Variants in ANKRD12 observed in about 807,000 individuals in gnomAD.
ANKRD12 encodes ankyrin repeat domain-containing protein 12.
ANKRD12 carries 85 observed loss-of-function variants against 183.4 expected under a neutral mutation model. That is an observed-to-expected ratio of 0.46 (90% CI 0.39 to 0.56). ANKRD12 has a LOEUF of 0.56. ANKRD12 is among the 20% of genes least tolerant of loss of function. ANKRD12 has a pLI of 0.00. For missense variants in ANKRD12, 2,405 were observed against 2,357.1 expected (o/e 1.02, Z -0.42); for synonymous variants, 914 against 800.2 (o/e 1.14, Z -2.40).
intron 10 of ANKRD12, among the ~76,000 whole-genome samples, chr18:9,264,900 C>T (rs113412686): frequency 1.3e-3 from 203 of 152,362 alleles, no homozygotes; most frequent in African/African-American, 4.7e-3. Flanking sequence ...CTCCAGTCTA[C>T]AGCTGCCAGC....
chr18:9,238,911 C>A (rs902919160), intron 8 of ANKRD12, among the ~76,000 whole-genome samples: 2 of 152,140 alleles, frequency 1.3e-5, no homozygotes, highest in African/African-American at 4.8e-5. Flanking sequence ...CACCTGAGTC[C>A]AGGAGTTCAA....
At chr18:9,277,083 C>T (rs994413696) in intron 11 of ANKRD12, among the ~76,000 whole-genome samples, 3 of 152,280 alleles carry the variant, frequency 2.0e-5, no homozygotes, top group Admixed American at 6.5e-5. Context: ...TGATTTCTAG[C>T]TCAGAATGGT....
chr18:9,184,392 A>T (rs1347640328), intron 2 of ANKRD12, among the ~76,000 whole-genome samples: 2 of 150,424 alleles, frequency 1.3e-5, no homozygotes, highest in Non-Finnish European at 3.0e-5. Context: ...TGATATGGCC[A>T]TTTTTTTTTC....
At position 9,256,897 on chromosome 18, in the gene ANKRD12, T is replaced by A. The variant is rs2038664999; in HGVS notation, c.3630T>A (p.Ala1210=). ...SSRSVSMISV[A]SSEDSCHTTV... ...GATCTGTATCCATGATTTCTGTTGCTAGTTCAGAAGATTCCTGCCATACTA... is the reference window on the plus strand; with the variant it reads ...GATCTGTATCCATGATTTCTGTTGCAAGTTCAGAAGATTCCTGCCATACTA... Residue 1210 remains alanine, a synonymous_variant, in exon 9 of 13, where the codon GCT becomes GCA. Coordinates refer to ENST00000262126, the MANE Select transcript of ANKRD12 (RefSeq NM_015208.5). The A allele has an allele frequency of 6.2e-7, 1 of 1,614,044 alleles. No homozygotes were observed. Among genetic ancestry groups the A allele is most frequent in the Non-Finnish European group, 8.5e-7 (1 of 1,179,970 alleles).
intron 11 of ANKRD12, among the ~76,000 whole-genome samples, chr18:9,278,751 T>G (rs1160335493): frequency 1.3e-5 from 2 of 151,434 alleles, no homozygotes; most frequent in Non-Finnish European, 2.9e-5. Flanking sequence ...GAGTCAAGAT[T>G]CCAGCCTGGG....
In ANKRD12 at chr18:9,221,804, A is replaced by T. The variant is rs761649294; in HGVS notation, c.796-48A>T. ...TATTATCAAGAGAATGGGTGCAGTG[A>T]TAACAATCTGTGAAGGGACTAAGTC... On this transcript the variant is annotated intron_variant, in intron 7 of 12. Coordinates refer to ENST00000262126, the MANE Select transcript of ANKRD12 (RefSeq NM_015208.5). The T allele has an allele frequency of 3.8e-6, 6 of 1,598,600 alleles. No homozygotes were observed. The Admixed American group carries it at 1.0e-4, about 27-fold the overall frequency.
chr18:9,202,763 T>G (rs1007861695), intron 3 of ANKRD12, among the ~76,000 whole-genome samples: 1 of 152,164 alleles, frequency 6.6e-6, no homozygotes, highest in African/African-American at 2.4e-5. Context: ...AGGAAGTAGT[T>G]GAGGAAGGGG....
intron 7 of ANKRD12, among the ~76,000 whole-genome samples, chr18:9,218,589 A>G (rs2036240328): frequency 6.6e-6 from 1 of 152,160 alleles, no homozygotes; most frequent in Non-Finnish European, 1.5e-5. Flanking sequence ...TATAGAGAGG[A>G]TTAACATAGC....
intron 10 of ANKRD12, among the ~76,000 whole-genome samples, chr18:9,270,730 A>G (rs1324389058): frequency 6.6e-6 from 1 of 152,236 alleles, no homozygotes; most frequent in African/African-American, 2.4e-5. Context: ...ACAAACCTGC[A>G]CGTTGTGCAC....
At chr18:9,203,393 C>A (rs1036212162) in intron 3 of ANKRD12, among the ~76,000 whole-genome samples, 4 of 152,022 alleles carry the variant, frequency 2.6e-5, no homozygotes, top group African/African-American at 9.7e-5. Context: ...TACTGTGTAA[C>A]AGTGATCCTG....
chr18:9,234,265 A>G (rs552876334), intron 8 of ANKRD12, among the ~76,000 whole-genome samples: 3 of 152,242 alleles, frequency 2.0e-5, no homozygotes, highest in Admixed American at 6.5e-5. Context: ...TGTGCCTGCA[A>G]TGGTGTTTGG....
At chr18:9,182,867 G>A (rs1043674232) in intron 2 of ANKRD12, among the ~76,000 whole-genome samples, 2 of 151,942 alleles carry the variant, frequency 1.3e-5, no homozygotes, top group Admixed American at 6.6e-5. Context: ...CAGAACCTTC[G>A]TTTGGACTCC....
intron 2 of ANKRD12, among the ~76,000 whole-genome samples, chr18:9,193,218 A>G (rs1483555958): frequency 6.8e-6 from 1 of 148,042 alleles, no homozygotes; most frequent in Non-Finnish European, 1.5e-5. Flanking sequence ...GGCTCACTAT[A>G]GCCTCAATCC....
chr18:9,254,737 A>G lies in ANKRD12; in HGVS notation c.1470A>G (p.Gln490=), dbSNP rs777270176. The change falls in exon 9 of 13, where the codon CAA becomes CAG. Residue 490 remains glutamine (Q), a synonymous_variant. Coordinates refer to ENST00000262126, the MANE Select transcript of ANKRD12 (RefSeq NM_015208.5). ...ATAAAGAGAACCAAGAGCTAAAGCA[A>G]GAAAAGGAAGGAAAAGAAAATACAA... ...NKNKENQELK[Q]EKEGKENTRI... The G allele has an allele frequency of 1.3e-6, 2 of 1,491,450 alleles. No homozygotes were observed. Among genetic ancestry groups the G allele is most frequent in the Non-Finnish European group, 1.8e-6 (2 of 1,122,322 alleles). 92.4% of individuals were successfully genotyped at this position (1,491,450 alleles called of 1,614,324 possible).
chr18:9,188,462 T>A (rs1186874109), intron 2 of ANKRD12, among the ~76,000 whole-genome samples: 1 of 152,184 alleles, frequency 6.6e-6, no homozygotes, highest in Non-Finnish European at 1.5e-5. Flanking sequence ...GCTCGCAACA[T>A]GTGCAAAAAT....
intron 1 of ANKRD12, among the ~76,000 whole-genome samples, chr18:9,144,614 A>C (rs2078431294): frequency 6.6e-6 from 1 of 152,208 alleles, no homozygotes. Context: ...AGGTATAATT[A>C]CAACTACTCC....
In ANKRD12 at chr18:9,255,474, C is replaced by G. The variant is rs1336977782; in HGVS notation, c.2207C>G (p.Thr736Ser). The G allele has an allele frequency of 5.8e-6, 9 of 1,552,506 alleles. No homozygotes were observed. The highest frequency in any genetic ancestry group is 1.7e-4 in the Middle Eastern group (1 of 5,774). ...LEKNIKDDKS[T>S]KEKHVSKERN... ...AAAAACATCAAAGATGATAAATCAACCAAGGAAAAGCATGTGTCAAAAGAG... is the reference window on the plus strand; with the variant it reads ...AAAAACATCAAAGATGATAAATCAAGCAAGGAAAAGCATGTGTCAAAAGAG... The change falls in exon 9 of 13, where the codon ACC (threonine) becomes AGC (serine). Residue 736 changes from threonine (T) to serine (S), a missense_variant. This residue lies in a region of ANKRD12 where 1,983 missense variants were observed against 1,725.9 expected (regional missense o/e 1.15). Transcript: ENST00000262126.
At chr18:9,242,651 G>A (rs2037730172) in intron 8 of ANKRD12, among the ~76,000 whole-genome samples, 2 of 152,134 alleles carry the variant, frequency 1.3e-5, no homozygotes, top group South Asian at 4.1e-4. Context: ...ATTTTCAGAG[G>A]AAAAATTCTT....
chr18:9,145,762 A>G (rs1248561656), intron 1 of ANKRD12, among the ~76,000 whole-genome samples: 1 of 152,224 alleles, frequency 6.6e-6, no homozygotes, highest in Non-Finnish European at 1.5e-5. Context: ...CAAGGTGGGA[A>G]ATGATATAAT....
Sources: gnomAD v4.1 joint callset for allele counts (sites outside exome capture counted in the v4.1 genomes callset) on GRCh38, gnomAD v4.1.1 for gene constraint, gnomAD v4.1.1 regional missense constraint, MANE v1.5 for transcripts, NCBI Gene and HGNC (gene_info 2026-07-23, HGNC 2026-07-21) for gene names.